The following PHKB variants were observed in gnomAD, a reference collection of about 807,000 sequenced individuals.
PHKB encodes phosphorylase kinase regulatory subunit beta, also known as phosphorylase b kinase regulatory subunit beta.
A neutral mutation model predicts 152.1 loss-of-function variants in PHKB; 122 were observed. The ratio of observed to expected loss-of-function variants is 0.80; its 90% CI spans 0.69 to 0.93. The LOEUF is 0.93. Ranked by LOEUF, PHKB falls within the 40% of genes least tolerant of loss-of-function variation. PHKB has a pLI of 0.00. For missense variants in PHKB, 1,304 were observed against 1,328.4 expected, an observed-to-expected ratio of 0.98 and a Z score of 0.29; for synonymous variants, 436 against 464.9, an observed-to-expected ratio of 0.94 and a Z score of 0.80.
At chr16:47,582,424 TA>T (rs1433087127) in intron 8 of PHKB, among the ~76,000 whole-genome samples, 2 of 152,206 alleles carry the variant, frequency 1.3e-5, no homozygotes, top group African/African-American at 4.8e-5. Flanking sequence ...CTAAAATCGC[TA>T]AATTACTTTA....
At chr16:47,485,499 G>A (rs1311046304) in intron 1 of PHKB, among the ~76,000 whole-genome samples, 1 of 152,204 alleles carries the variant, frequency 6.6e-6, no homozygotes, top group Non-Finnish European at 1.5e-5. Context: ...TGGGACAGTA[G>A]CAGGAGATAG....
intron 1 of PHKB, chr16:47,462,620 TGA>T (rs973705537): frequency 3.3e-5 from 5 of 151,064 alleles, no homozygotes; most frequent in African/African-American, 1.2e-4. Context: ...GGCGACAGAG[TGA>T]GACTCCGTCT....
chr16:47,645,743 A>C (rs1218830476), intron 16 of PHKB, among the ~76,000 whole-genome samples: 1 of 151,498 alleles, frequency 6.6e-6, no homozygotes, highest in Admixed American at 6.6e-5. Flanking sequence ...ACTTCTCAAA[A>C]GAAGACATTT....
Position 47,573,398 on chromosome 16 carries a change from T to C in PHKB, c.711-6897T>C, listed in dbSNP as rs188631709. On this transcript the variant is annotated intron_variant, in intron 7 of 30. Coordinates refer to ENST00000323584, the MANE Select transcript of PHKB (RefSeq NM_000293.3). ...ACTCAGGCTGTGACCCCAGTGGCGA[T>C]CCGAGGGCAGTTCCCTGGCCACTGG... Among the ~76,000 whole-genome samples the C allele has an allele frequency of 4.2e-3, 639 of 152,214 alleles. 6 individuals are homozygous for C. Among genetic ancestry groups the C allele is most frequent in the African/African-American group, 0.015 (609 of 41,536 alleles).
intron 1 of PHKB, among the ~76,000 whole-genome samples, chr16:47,486,653 G>A (rs975684470): frequency 2.6e-5 from 4 of 151,964 alleles, no homozygotes; most frequent in Admixed American, 6.6e-5. Context: ...TTGTGCCCTC[G>A]TCACCCTCCT....
At chr16:47,549,636 A>C (rs1971236582) in intron 7 of PHKB, among the ~76,000 whole-genome samples, 1 of 152,134 alleles carries the variant, frequency 6.6e-6, no homozygotes, top group African/African-American at 2.4e-5. Flanking sequence ...TGGAGGTTGC[A>C]GTGAGCCGAG....
intron 27 of PHKB, among the ~76,000 whole-genome samples, chr16:47,689,981 A>G (rs546048858): frequency 2.6e-5 from 4 of 152,254 alleles, no homozygotes; most frequent in Non-Finnish European, 5.9e-5. Context: ...AAAAACAAAC[A>G]TAAGAATAAT....
chr16:47,509,934 T>C, intron 4 of PHKB, among the ~76,000 whole-genome samples: 1 of 152,186 alleles, frequency 6.6e-6, no homozygotes, highest in Non-Finnish European at 1.5e-5. Context: ...CAATTGTAAG[T>C]AGTAGATCCC....
At chr16:47,664,807 A>ATT in intron 24 of PHKB, 78 bp from the exon 25 acceptor site, 3 of 845,998 alleles carry the variant, frequency 3.5e-6, no homozygotes, top group Non-Finnish European at 6.0e-6. Flanking sequence ...TAGAATGCTG[A>ATT]CTGTTATGTT....
Position 47,610,861 on chromosome 16 carries a change from G to C in PHKB, c.1399G>C (p.Val467Leu), listed in dbSNP as rs1567326525. 22 of 1,609,228 alleles carry C rather than the reference G, an allele frequency of 1.4e-5. No homozygotes were observed. Among genetic ancestry groups the C allele is most frequent in the Non-Finnish European group, 1.7e-5 (20 of 1,175,730 alleles). The stretch of plus-strand genomic sequence containing the variant: ...TATTAGTCCTAAAGACATTGATCCT[G>C]TCCAGCGCTATGTCCCACTAAAGGA... ...ELISPKDIDP[V>L]QRYVPLKDQR... The change falls in exon 14 of 31, where the codon GTC (valine) becomes CTC (leucine). Residue 467 changes from valine to leucine, a missense_variant. Val to Leu is a conservative substitution (Grantham distance 32). Transcript: ENST00000323584.
intron 5 of PHKB, among the ~76,000 whole-genome samples, chr16:47,512,413 T>C (rs1488368944): frequency 6.6e-6 from 1 of 152,080 alleles, no homozygotes; most frequent in East Asian, 1.9e-4. Context: ...GTGACAAAAG[T>C]TTTTACATGT....
intron 14 of PHKB, among the ~76,000 whole-genome samples, chr16:47,639,212 T>C (rs1972973837): frequency 6.6e-6 from 1 of 152,162 alleles, no homozygotes; most frequent in Non-Finnish European, 1.5e-5. Context: ...ATGTCTAGGC[T>C]GCAGTGAGCC....
intron 14 of PHKB, among the ~76,000 whole-genome samples, chr16:47,628,487 G>A (rs372310764): frequency 2.0e-5 from 3 of 152,242 alleles, no homozygotes; most frequent in East Asian, 1.9e-4. Context: ...AGCCTAGATC[G>A]CTCCACTGCG....
chr16:47,648,200 C>G (rs927742724), intron 16 of PHKB, among the ~76,000 whole-genome samples: 10 of 151,870 alleles, frequency 6.6e-5, no homozygotes, highest in African/African-American at 2.4e-4. Context: ...AAATGTTAAA[C>G]AACTGGATTT....
intron 1 of PHKB, among the ~76,000 whole-genome samples, chr16:47,467,155 A>T (rs1468279161): frequency 6.6e-6 from 1 of 152,178 alleles, no homozygotes; most frequent in Non-Finnish European, 1.5e-5. Context: ...TGTCTTTTAC[A>T]ATATTGCTGA....
In PHKB at chr16:47,513,735, A is replaced by C. The variant is rs138869573; in HGVS notation, c.514-1786A>C. 4.0e-3 allele frequency among the ~76,000 whole-genome samples: 602 copies of C among 152,364 alleles called. 3 individuals carry two copies. The highest frequency in any genetic ancestry group is 0.014 in the African/African-American group (575 of 41,584). ...AATAATCTATGTTAGAATTCTATGG[A>C]AACAAAATTACATCTTGCTTTCTCT... On this transcript the variant is annotated intron_variant, in intron 5 of 30. Coordinates refer to ENST00000323584, the MANE Select transcript of PHKB (RefSeq NM_000293.3).
chr16:47,670,940 C>G (rs961215586), intron 26 of PHKB, among the ~76,000 whole-genome samples: 1 of 152,018 alleles, frequency 6.6e-6, no homozygotes, highest in African/African-American at 2.4e-5. Context: ...ACTTATGTGC[C>G]CATACTATCA....
chr16:47,660,967 A>G, intron 22 of PHKB, 148 bp downstream of exon 22: 1 of 798,378 alleles, frequency 1.3e-6, no homozygotes, highest in Non-Finnish European at 2.2e-6. Context: ...GGCAATCATG[A>G]GAAGTTGTTC....
chr16:47,695,205 G>A (rs1017997919), intron 28 of PHKB, among the ~76,000 whole-genome samples: 3 of 152,134 alleles, frequency 2.0e-5, no homozygotes, highest in Non-Finnish European at 2.9e-5. Flanking sequence ...CAGAAGAGTA[G>A]GAAATAAGGC....
Sources: gnomAD v4.1 joint callset for allele counts (sites outside exome capture counted in the v4.1 genomes callset) on GRCh38, gnomAD v4.1.1 for gene constraint, MANE v1.5 for transcripts, NCBI Gene and HGNC (gene_info 2026-07-23, HGNC 2026-07-21) for gene names.